Variants in CHD2 observed in about 807,000 individuals in gnomAD.
CHD2 encodes ATP-dependent chromatin remodeler CHD2.
In CHD2, 28 loss-of-function variants were observed where a neutral mutation model predicts 243.9. That is an observed-to-expected ratio of 0.11 (90% CI 0.09 to 0.16). The LOEUF (loss-of-function observed/expected upper bound fraction) is 0.16. Among genes scored for constraint, CHD2 ranks in the 10% least tolerant of loss-of-function variants. The pLI, the probability that CHD2 is intolerant of heterozygous loss-of-function variation, is 1.00. For synonymous variants in CHD2, 775 were observed against 779.0 expected, an observed-to-expected ratio of 0.99 and a Z score of 0.09; for missense variants, 1,386 against 2,209.8, an observed-to-expected ratio of 0.63 and a Z score of 7.47.
At chr15:92,904,730 T>G in intron 2 of CHD2, 1 of 1,398,256 alleles carries the variant, frequency 7.2e-7, no homozygotes, top group East Asian at 2.6e-5. Context: ...ATAGAAAATT[T>G]GCCCAGTTTT....
At chr15:92,971,418 A>G (rs980776032) in intron 17 of CHD2, among the ~76,000 whole-genome samples, 1 of 152,152 alleles carries the variant, frequency 6.6e-6, no homozygotes, top group East Asian at 1.9e-4. Context: ...TATAAAGTAC[A>G]TGTGTGTAAA....
chr15:92,986,747 A>G (rs929242821), intron 26 of CHD2, among the ~76,000 whole-genome samples: 1 of 152,150 alleles, frequency 6.6e-6, no homozygotes, highest in African/African-American at 2.4e-5. Flanking sequence ...TGGTAGAGTC[A>G]GAATCTTGCT....
chr15:93,011,619 G>T (rs1303117592), intron 35 of CHD2, among the ~76,000 whole-genome samples: 1 of 152,186 alleles, frequency 6.6e-6, no homozygotes, highest in African/African-American at 2.4e-5. Context: ...GAAACTACCT[G>T]TTAGGAAGTT....
intron 3 of CHD2, 83 bp from the exon 4 acceptor site, chr15:92,927,161 A>C: frequency 2.1e-6 from 2 of 962,112 alleles, no homozygotes; most frequent in Non-Finnish European, 3.2e-6. Flanking sequence ...GGTTACTTGA[A>C]TTCTCTTCAA....
Position 93,025,903 on chromosome 15 carries a change from A to C in CHD2, c.*1198A>C, listed in dbSNP as rs1567169234. The C allele has an allele frequency of 2.0e-5, 3 of 152,278 alleles. No individual in the cohort carries two copies. The highest frequency in any genetic ancestry group is 2.9e-5 in the Non-Finnish European group (2 of 68,038). 9.4% of individuals were successfully genotyped at this position (152,278 alleles called of 1,614,324 possible). A position where few individuals can be genotyped will look rare whatever the true frequency, so the allele number is the denominator to read the frequency against. Reference sequence around the variant, plus strand: ...AAGTACCTGTGGTGAACAAGTTTCTACTGTAGTTGGAGATCATTAGAATTG... The same window carrying C: ...AAGTACCTGTGGTGAACAAGTTTCTCCTGTAGTTGGAGATCATTAGAATTG... On this transcript the variant is annotated 3_prime_UTR_variant, in exon 39 of 39. Coordinates refer to ENST00000394196, the MANE Select transcript of CHD2 (RefSeq NM_001271.4).
chr15:93,009,361 C>T, intron 35 of CHD2, 38 bp downstream of exon 35: 1 of 1,592,216 alleles, frequency 6.3e-7, no homozygotes, highest in Admixed American at 1.7e-5. Flanking sequence ...TTTGATTTGA[C>T]TGAGTGTGGG....
At position 92,939,664 on chromosome 15, in the gene CHD2, A is replaced by G; in HGVS notation, c.638A>G (p.Asp213Gly). 1.9e-6 allele frequency: 3 copies of G among 1,614,172 alleles called. No homozygotes were observed. The highest frequency in any genetic ancestry group is 2.5e-6 in the Non-Finnish European group (3 of 1,180,030). ...KKQDSSDEDD[D>G]DDEAPKRQTR... ...CAAGATTCTTCTGATGAGGATGATGATGATGACGAAGCTCCCAAAAGGCAG... is the reference window on the plus strand; with the variant it reads ...CAAGATTCTTCTGATGAGGATGATGGTGATGACGAAGCTCCCAAAAGGCAG... Residue 213 changes from aspartate (D) to glycine (G), a missense_variant, in exon 7 of 39, where the codon GAT becomes GGT. Asp to Gly is a moderately conservative substitution (Grantham distance 94). Transcript: ENST00000394196.
intron 26 of CHD2, among the ~76,000 whole-genome samples, chr15:92,987,513 A>G (rs903289811): frequency 1.3e-5 from 2 of 151,984 alleles, no homozygotes; most frequent in Non-Finnish European, 2.9e-5. Context: ...AGGCTGAGGC[A>G]CGAGAATTGC....
At chr15:92,904,536 T>G (rs75397418) in intron 2 of CHD2, 45,008 of 999,488 alleles carry the variant, frequency 0.045, 1,073 homozygotes, top group South Asian at 0.087. Flanking sequence ...GTGGGCGGCT[T>G]CTTTCCTGGA....
At chr15:92,924,630 C>T (rs1417745214) in intron 3 of CHD2, 78 bp downstream of exon 3, 7 of 1,228,650 alleles carry the variant, frequency 5.7e-6, no homozygotes, top group Non-Finnish European at 7.2e-6. Flanking sequence ...CATGAAAACT[C>T]ATTAGTATAT....
At position 92,918,737 on chromosome 15, in the gene CHD2, TGTC is replaced by T. The variant is rs201547285; in HGVS notation, c.63-5581_63-5579del. 7.0e-3 allele frequency among the ~76,000 whole-genome samples: 1,070 copies of T among 152,026 alleles called. 58 individuals carry two copies. Among genetic ancestry groups the T allele is most frequent in the Admixed American group, 0.064 (970 of 15,242 alleles). On this transcript the variant is annotated intron_variant, in intron 2 of 38. Transcript: ENST00000394196. ...CAATTCTACATAGTCTTTTAGGAAATGTCGTTTTTTTAAGGGAATAATATGAAT... is the reference window on the plus strand; with the variant it reads ...CAATTCTACATAGTCTTTTAGGAAATGTTTTTTTAAGGGAATAATATGAAT...
chr15:92,929,206 C>A, intron 5 of CHD2, 115 bp downstream of exon 5: 1 of 918,312 alleles, frequency 1.1e-6, no homozygotes, highest in Non-Finnish European at 1.7e-6. Flanking sequence ...CTGCTTCTGT[C>A]TCTCTTACTA....
intron 2 of CHD2, among the ~76,000 whole-genome samples, chr15:92,918,190 C>G (rs2052879947): frequency 6.6e-6 from 1 of 152,142 alleles, no homozygotes; most frequent in Non-Finnish European, 1.5e-5. Flanking sequence ...GTTTCAAAGT[C>G]CAGTTCCAAG....
intron 32 of CHD2, 127 bp from the exon 33 acceptor site, chr15:93,002,050 T>A: frequency 7.9e-7 from 1 of 1,273,494 alleles, no homozygotes; most frequent in Non-Finnish European, 1.1e-6. Context: ...TGAGGCTATT[T>A]GCTTGAAAAC....
chr15:92,962,354 A>G (rs184555915), intron 16 of CHD2, among the ~76,000 whole-genome samples: 91 of 152,230 alleles, frequency 6.0e-4, no homozygotes, highest in African/African-American at 2.1e-3. Context: ...TGCATCCTGT[A>G]AATACTGATA....
chr15:93,000,992 C>T (rs1191843405), intron 32 of CHD2, among the ~76,000 whole-genome samples: 1 of 152,154 alleles, frequency 6.6e-6, no homozygotes, highest in Non-Finnish European at 1.5e-5. Context: ...CTTCAACCTC[C>T]CAAGTAGCTG....
chr15:92,952,770 G>C (rs1229271369), intron 13 of CHD2, among the ~76,000 whole-genome samples: 1 of 152,218 alleles, frequency 6.6e-6, no homozygotes, highest in Non-Finnish European at 1.5e-5. Flanking sequence ...CTCCAAAGGT[G>C]TTTGTCAGCC....
intron 27 of CHD2, among the ~76,000 whole-genome samples, chr15:92,992,617 T>G (rs2054134589): frequency 6.6e-6 from 1 of 152,206 alleles, no homozygotes; most frequent in African/African-American, 2.4e-5. Flanking sequence ...TTCCTCTCTG[T>G]TTTTTGGAAT....
At chr15:92,906,386 A>G (rs1489731850) in intron 2 of CHD2, among the ~76,000 whole-genome samples, 2 of 152,162 alleles carry the variant, frequency 1.3e-5, no homozygotes, top group Admixed American at 6.5e-5. Flanking sequence ...TTTGATAAAG[A>G]CTTTTGGTTG....
Sources: allele counts gnomAD v4.1 joint callset (sites outside exome capture counted in the v4.1 genomes callset), GRCh38; gene constraint gnomAD v4.1.1; transcripts MANE v1.5; gene names NCBI Gene and HGNC (gene_info 2026-07-23, HGNC 2026-07-21).